Variants in SLC30A7 observed in about 807,000 individuals in gnomAD.
SLC30A7 encodes solute carrier family 30 member 7, also known as zinc transporter 7.
A neutral mutation model predicts 46.0 loss-of-function variants in SLC30A7; 35 were observed. That is an observed-to-expected ratio of 0.76 (90% CI 0.58 to 1.01). The LOEUF is 1.01. Ranked by LOEUF, SLC30A7 falls within the 50% of genes least tolerant of loss-of-function variation. The pLI is 0.00. For synonymous variants in SLC30A7, 147 were observed against 157.8 expected (o/e 0.93, Z 0.51); for missense variants, 464 against 451.1 (o/e 1.03, Z -0.26).
intron 2 of SLC30A7, among the ~76,000 whole-genome samples, chr1:100,902,360 A>G (rs895878937): frequency 6.6e-6 from 1 of 152,198 alleles, no homozygotes; most frequent in Non-Finnish European, 1.5e-5. Context: ...CCTCTTTAAA[A>G]GGAACCTGAC....
chr1:100,938,982 G>C (rs561608586), intron 8 of SLC30A7, among the ~76,000 whole-genome samples: 1 of 152,256 alleles, frequency 6.6e-6, no homozygotes, highest in East Asian at 1.9e-4. Context: ...CTCTCTAGTA[G>C]TCTGCAGAGT....
intron 8 of SLC30A7, among the ~76,000 whole-genome samples, chr1:100,958,743 T>A (rs938599925): frequency 3.9e-5 from 6 of 152,232 alleles, no homozygotes; most frequent in African/African-American, 1.4e-4. Flanking sequence ...TCCATAAACA[T>A]TTATTTGCCA....
In SLC30A7 at chr1:100,938,238, A is replaced by G. The variant is rs115350492; in HGVS notation, c.842+16397A>G. On this transcript the variant is annotated intron_variant, in intron 8 of 10. Transcript: ENST00000357650. ...CTTGAGATCCCATAGGAATTTTAAG[A>G]TAGATTTTTCTATTTCTAGAAAAAA... Among the ~76,000 whole-genome samples the G allele has an allele frequency of 1.6e-3, 246 of 152,280 alleles. 1 individual carries two copies. Among genetic ancestry groups the G allele is most frequent in the African/African-American group, 5.6e-3 (233 of 41,556 alleles).
Position 100,958,850 on chromosome 1 carries a change from A to G in SLC30A7, c.843-2978A>G, listed in dbSNP as rs144264537. ...GAGGGAGGGGGAAACACAATCTGGT[A>G]ATTATCACGCAATGTAGTAATAGTA... On this transcript the variant is annotated intron_variant, in intron 8 of 10. Transcript: ENST00000357650. Among the ~76,000 whole-genome samples the G allele has an allele frequency of 5.8e-4, 89 of 152,356 alleles. No individual in the cohort carries two copies. The East Asian group carries it at 0.016, about 28-fold the overall frequency.
At position 100,913,711 on chromosome 1, in the gene SLC30A7, A is replaced by T; in HGVS notation, c.560A>T (p.His187Leu). The T allele has an allele frequency of 6.2e-7, 1 of 1,613,976 alleles. No individual in the cohort carries two copies. The highest frequency in any genetic ancestry group is 8.5e-7 in the Non-Finnish European group (1 of 1,179,856). Reference sequence around the variant, plus strand: ...TTTAATGGTGCTCTAGATCAGGCACATGGCCATGTCGATCATTGCCATAGC... The same window carrying T: ...TTTAATGGTGCTCTAGATCAGGCACTTGGCCATGTCGATCATTGCCATAGC... The part of the protein sequence containing the change: ...SLFNGALDQA[H>L]GHVDHCHSHE... Residue 187 changes from histidine to leucine, a missense_variant, in exon 6 of 11, where the codon CAT becomes CTT. His to Leu is a moderately conservative substitution (Grantham distance 99). Coordinates refer to ENST00000357650, the MANE Select transcript of SLC30A7 (RefSeq NM_133496.5).
chr1:100,964,998 A>AT (rs1345751932), intron 9 of SLC30A7, among the ~76,000 whole-genome samples: 1 of 152,238 alleles, frequency 6.6e-6, no homozygotes, highest in Non-Finnish European at 1.5e-5. Flanking sequence ...ACAAAACATA[A>AT]ATATTTTTGA....
the SLC30A7 span, among the ~76,000 whole-genome samples, chr1:100,988,573 T>C: frequency 6.6e-6 from 1 of 152,172 alleles, no homozygotes; most frequent in African/African-American, 2.4e-5. Flanking sequence ...AGGCCAGGCA[T>C]AGTGGCTCAT....
intron 2 of SLC30A7, among the ~76,000 whole-genome samples, chr1:100,903,821 T>A (rs1287185930): frequency 1.3e-5 from 2 of 152,284 alleles, no homozygotes; most frequent in Middle Eastern, 3.4e-3. Context: ...ATGCTTTTTC[T>A]GTATGTGTGA....
chr1:100,925,140 A>T (rs1653213008), intron 8 of SLC30A7, among the ~76,000 whole-genome samples: 2 of 152,258 alleles, frequency 1.3e-5, no homozygotes, highest in East Asian at 3.8e-4. Flanking sequence ...TTAACCTGAG[A>T]TCTTATTGTC....
At chr1:100,952,508 G>A (rs1321606130) in intron 8 of SLC30A7, among the ~76,000 whole-genome samples, 1 of 152,082 alleles carries the variant, frequency 6.6e-6, no homozygotes, top group Non-Finnish European at 1.5e-5. Flanking sequence ...CCACTTAAAG[G>A]TAGTCTTCTC....
chr1:100,970,361 A>G (rs1656089333), intron 10 of SLC30A7, among the ~76,000 whole-genome samples: 1 of 152,114 alleles, frequency 6.6e-6, no homozygotes, highest in African/African-American at 2.4e-5. Flanking sequence ...TTGGTTAATA[A>G]AACTATAGTT....
At chr1:100,911,942 T>C (rs887885375) in intron 4 of SLC30A7, among the ~76,000 whole-genome samples, 170 bp from the exon 5 acceptor site, 1 of 152,248 alleles carries the variant, frequency 6.6e-6, no homozygotes, top group Non-Finnish European at 1.5e-5. Flanking sequence ...TGTTACTTTT[T>C]CTACAGTATG....
chr1:100,954,685 C>A (rs1655133825), intron 8 of SLC30A7, among the ~76,000 whole-genome samples: 1 of 151,950 alleles, frequency 6.6e-6, no homozygotes, highest in South Asian at 2.1e-4. Context: ...GTTTCAGAAA[C>A]ACAGTATAAT....
intron 2 of SLC30A7, among the ~76,000 whole-genome samples, chr1:100,903,887 C>T (rs1651465407): frequency 6.6e-6 from 1 of 152,064 alleles, no homozygotes; most frequent in Non-Finnish European, 1.5e-5. Context: ...ACTCTAGCAT[C>T]TAGCCAAATA....
At chr1:100,940,147 T>A (rs1206797466) in intron 8 of SLC30A7, among the ~76,000 whole-genome samples, 1 of 152,092 alleles carries the variant, frequency 6.6e-6, no homozygotes, top group Non-Finnish European at 1.5e-5. Context: ...GGCTTACTAA[T>A]GATAAAGACA....
At chr1:100,903,067 A>G (rs1651408802) in intron 2 of SLC30A7, among the ~76,000 whole-genome samples, 1 of 152,150 alleles carries the variant, frequency 6.6e-6, no homozygotes, top group Admixed American at 6.5e-5. Flanking sequence ...TACTAATAAA[A>G]CACATTAAGA....
At chr1:100,970,759 GT>G (rs1489626402) in intron 10 of SLC30A7, among the ~76,000 whole-genome samples, 3 of 149,740 alleles carry the variant, frequency 2.0e-5, no homozygotes, top group Non-Finnish European at 4.4e-5. Context: ...AATAGTATTT[GT>G]TAATTTTTTT....
At chr1:100,995,326 G>T in the SLC30A7 span, 1 of 463,112 alleles carries the variant, frequency 2.2e-6, no homozygotes, top group Non-Finnish European at 4.0e-6. Flanking sequence ...TGTGCCACTA[G>T]TTAGAAAACA....
chr1:100,921,950 C>CA, intron 8 of SLC30A7, 109 bp downstream of exon 8: 1 of 398,196 alleles, frequency 2.5e-6, no homozygotes, highest in Non-Finnish European at 4.0e-6. Context: ...CCTTTGCTTG[C>CA]TTTTTTTTTT....
Sources: gnomAD v4.1 joint callset for allele counts (sites outside exome capture counted in the v4.1 genomes callset) on GRCh38, gnomAD v4.1.1 for gene constraint, MANE v1.5 for transcripts, NCBI Gene and HGNC (gene_info 2026-07-23, HGNC 2026-07-21) for gene names.